Variants in HIVEP2 observed in about 807,000 individuals in gnomAD.
The protein encoded by HIVEP2 is transcription factor HIVEP2.
HIVEP2 carries 14 observed loss-of-function variants against 180.7 expected under a neutral mutation model. The observed-to-expected ratio is 0.08, with a 90% CI of 0.05 to 0.12. The LOEUF is 0.12. Among genes scored for constraint, HIVEP2 ranks in the 10% least tolerant of loss-of-function variants. HIVEP2 has a pLI of 1.00. For missense variants in HIVEP2, 2,579 were observed against 3,008.5 expected (o/e 0.86, Z 3.34); for synonymous variants, 1,184 against 1,136.4 (o/e 1.04, Z -0.84).
At chr6:142,927,841 A>T (rs1777853866) in intron 1 of HIVEP2, among the ~76,000 whole-genome samples, 1 of 152,242 alleles carries the variant, frequency 6.6e-6, no homozygotes, top group Admixed American at 6.5e-5. Flanking sequence ...GCTTACGGTT[A>T]ATAACGATTA....
Position 142,764,989 on chromosome 6 carries a change from G to A in HIVEP2, c.5343-15C>T. On this transcript the variant is annotated splice_polypyrimidine_tract_variant and intron_variant, in intron 6 of 9. Coordinates refer to ENST00000367603, the MANE Select transcript of HIVEP2 (RefSeq NM_006734.4). Reference sequence around the variant, plus strand: ...TCGATTTGTACCTGTTTTAAAAAGAGGGAATCCAGTGTGTTTTCAAATATT... The same window carrying A: ...TCGATTTGTACCTGTTTTAAAAAGAAGGAATCCAGTGTGTTTTCAAATATT... 2 of 1,590,070 alleles carry A rather than the reference G, an allele frequency of 1.3e-6. No homozygotes were observed. Among genetic ancestry groups the A allele is most frequent in the South Asian group, 1.1e-5 (1 of 89,098 alleles).
intron 1 of HIVEP2, among the ~76,000 whole-genome samples, chr6:142,902,823 T>C (rs891688043): frequency 6.6e-6 from 1 of 152,334 alleles, no homozygotes; most frequent in African/African-American, 2.4e-5. Context: ...CCCTTACTGC[T>C]TGTGGACAGG....
chr6:142,860,780 C>G (rs1415293481), intron 1 of HIVEP2, among the ~76,000 whole-genome samples: 2 of 152,204 alleles, frequency 1.3e-5, no homozygotes, highest in Non-Finnish European at 2.9e-5. Context: ...TAACAGCCAA[C>G]AGACCACTAG....
At chr6:142,766,022 G>A (rs1022558547) in intron 6 of HIVEP2, among the ~76,000 whole-genome samples, 1 of 152,066 alleles carries the variant, frequency 6.6e-6, no homozygotes, top group African/African-American at 2.4e-5. Context: ...AATCCACTGT[G>A]GATTTAGTTA....
intron 1 of HIVEP2, among the ~76,000 whole-genome samples, chr6:142,873,115 C>T (rs1438969909): frequency 1.3e-5 from 2 of 152,140 alleles, no homozygotes; most frequent in Non-Finnish European, 2.9e-5. Flanking sequence ...AGCTTTGACC[C>T]CAGCAAGAGC....
At chr6:142,940,662 G>A (rs1328353149) in intron 1 of HIVEP2, among the ~76,000 whole-genome samples, 1 of 151,306 alleles carries the variant, frequency 6.6e-6, no homozygotes, top group Non-Finnish European at 1.5e-5. Flanking sequence ...AGTGGTTCGG[G>A]TCATTATTTA....
intron 2 of HIVEP2, among the ~76,000 whole-genome samples, chr6:142,800,697 G>A (rs180713834): frequency 5.9e-5 from 9 of 152,136 alleles, no homozygotes; most frequent in Admixed American, 1.3e-4. Flanking sequence ...AATTTGAGAG[G>A]CTTAGGAGGA....
chr6:142,782,069 C>T (rs996936020), intron 3 of HIVEP2, among the ~76,000 whole-genome samples: 2 of 152,164 alleles, frequency 1.3e-5, no homozygotes, highest in Non-Finnish European at 2.9e-5. Context: ...GCAGCAAACA[C>T]GGCTTCTCCA....
In HIVEP2 at chr6:142,769,420, T is replaced by A. The variant is rs78034208; in HGVS notation, c.5187+132A>T. On this transcript the variant is annotated intron_variant, in intron 5 of 9. Transcript: ENST00000367603. Reference sequence around the variant, plus strand: ...CTTCCACTCCTGAGTAAGGCCAGACTTTCTGAAAACGCCCCCACACTGACC... The same window carrying A: ...CTTCCACTCCTGAGTAAGGCCAGACATTCTGAAAACGCCCCCACACTGACC... 72 of 761,512 alleles carry A rather than the reference T, an allele frequency of 9.5e-5. No individual in the cohort carries two copies. The East Asian group carries it at 1.9e-3, about 20-fold the overall frequency. The allele number at this position is 761,512 out of a possible 1,614,324, so 47.2% of individuals were successfully genotyped here. A position where few individuals can be genotyped will look rare whatever the true frequency, so the allele number is the denominator to read the frequency against.
At chr6:142,863,025 A>G (rs1421900851) in intron 1 of HIVEP2, among the ~76,000 whole-genome samples, 3 of 142,310 alleles carry the variant, frequency 2.1e-5, no homozygotes, top group African/African-American at 7.7e-5. Flanking sequence ...TACATACAAT[A>G]TGTAATATAT....
intron 1 of HIVEP2, among the ~76,000 whole-genome samples, chr6:142,918,753 A>G (rs186928877): frequency 6.6e-6 from 1 of 152,376 alleles, no homozygotes; most frequent in Admixed American, 6.5e-5. Context: ...AAATGAAGAA[A>G]AGAGCCTTAA....
intron 1 of HIVEP2, among the ~76,000 whole-genome samples, chr6:142,885,504 G>C (rs1052356901): frequency 6.6e-6 from 1 of 152,084 alleles, no homozygotes; most frequent in Non-Finnish European, 1.5e-5. Context: ...ACAACAAGCC[G>C]TGGTTCCCAT....
At chr6:142,880,951 C>T (rs975232551) in intron 1 of HIVEP2, among the ~76,000 whole-genome samples, 2 of 152,156 alleles carry the variant, frequency 1.3e-5, no homozygotes, top group African/African-American at 4.8e-5. Context: ...GCATCTTTAA[C>T]ATCTCTAGTA....
intron 2 of HIVEP2, among the ~76,000 whole-genome samples, chr6:142,818,785 GAAAGAAAA>G (rs1348083610): frequency 1.4e-3 from 185 of 130,380 alleles, no homozygotes; most frequent in Non-Finnish European, 2.3e-3. Flanking sequence ...AAGAAAGAAA[GAAAGAAAA>G]AGAAAAGAAA....
chr6:142,771,905 G>C lies in HIVEP2; in HGVS notation c.2834C>G (p.Ala945Gly), dbSNP rs960198034. 1.2e-6 allele frequency: 2 copies of C among 1,614,202 alleles called. No homozygotes were observed. The highest frequency in any genetic ancestry group is 1.7e-6 in the Non-Finnish European group (2 of 1,180,032). ...LPPKKKRLRL[A>G]DMEHSSGESS... ...CTCCCCTGAGGAGTGCTCCATATCT[G>C]CAAGTCGCAGACGCTTCTTTTTGGG... The change falls in exon 5 of 10, where the codon GCA becomes GGA. Residue 945 changes from alanine to glycine, a missense_variant. Ala to Gly is a moderately conservative substitution (Grantham distance 60). Around this residue, in one of 11 missense-constraint regions of HIVEP2, gnomAD observed 51 missense variants for 102.8 expected, o/e 0.50. Coordinates refer to ENST00000367603, the MANE Select transcript of HIVEP2 (RefSeq NM_006734.4). The surrounding 1 kb of genome is among the most constrained non-coding windows in gnomAD (Gnocchi z 5.4).
Position 142,760,637 on chromosome 6 carries a change from T to C in HIVEP2, c.5651A>G (p.Glu1884Gly), listed in dbSNP as rs1775206842. Residue 1884 changes from glutamate (E) to glycine (G), a missense_variant, in exon 9 of 10, where the codon GAG (glutamate) becomes GGG (glycine). Around this residue, in one of 11 missense-constraint regions of HIVEP2, gnomAD observed 660 missense variants for 731.7 expected, o/e 0.90. Transcript: ENST00000367603. Reference sequence around the variant, plus strand: ...TGAAATGCTGGACATGCTATGCTTCTCTGCTGCTTTGTGCAAATCTTCCAA... The same window carrying C: ...TGAAATGCTGGACATGCTATGCTTCCCTGCTGCTTTGTGCAAATCTTCCAA... Reference protein sequence around the residue: ...ENLEDLHKAAEKHSMSSISTD... With the variant: ...ENLEDLHKAAGKHSMSSISTD... The C allele has an allele frequency of 6.2e-7, 1 of 1,606,850 alleles. No individual in the cohort carries two copies. Among genetic ancestry groups the C allele is most frequent in the South Asian group, 1.1e-5 (1 of 89,698 alleles).
intron 2 of HIVEP2, among the ~76,000 whole-genome samples, chr6:142,818,733 A>G (rs202246449): frequency 0.087 from 3,548 of 40,764 alleles, 187 homozygotes; most frequent in Non-Finnish European, 0.11. Context: ...AGAAAGAAAG[A>G]AAAGAAAGAA....
chr6:142,772,983 G>A lies in HIVEP2; in HGVS notation c.1756C>T (p.Pro586Ser), dbSNP rs746223902. ...VFYPGTVGIP[P>S]QRMLRRQAAF... The stretch of plus-strand genomic sequence containing the variant: ...GCTTGTCTTCTTAGCATGCGCTGAG[G>A]GGGTATGCCCACGGTCCCTGGATAG... The change falls in exon 5 of 10, where the codon CCT becomes TCT. Residue 586 changes from proline (P) to serine (S), a missense_variant. Physicochemically the swap from Pro to Ser is moderately conservative, Grantham distance 74. This residue lies in a region of HIVEP2 where 524 missense variants were observed against 563.6 expected (regional missense o/e 0.93). Transcript: ENST00000367603. This position sits in a 1 kb window ranked among gnomAD's most constrained non-coding sequence, Gnocchi z 4.9. The A allele has an allele frequency of 9.3e-6, 15 of 1,614,146 alleles. No individual in the cohort carries two copies. The highest frequency in any genetic ancestry group is 4.4e-5 in the South Asian group (4 of 91,082).
rs779463336 is a variant in HIVEP2, at chr6:142,773,025, C to T, written c.1714G>A (p.Gly572Ser). ...CCTGGATAGAATACATCGTCGGAAC[C>T]AGTCATCCTTTCATCAAATGAGTGA... is the stretch of plus-strand genomic sequence containing the variant. Reference protein sequence around the residue: ...GSHSFDERMTGSDDVFYPGTV... With the variant: ...GSHSFDERMTSSDDVFYPGTV... The change falls in exon 5 of 10, where the codon GGT becomes AGT. Residue 572 changes from glycine to serine, a missense_variant. Coordinates refer to ENST00000367603, the MANE Select transcript of HIVEP2 (RefSeq NM_006734.4). The T allele has an allele frequency of 5.6e-6, 9 of 1,614,042 alleles. No homozygotes were observed. The highest frequency in any genetic ancestry group is 5.3e-5 in the African/African-American group (4 of 74,924).
Sources: gnomAD v4.1 joint callset for allele counts (sites outside exome capture counted in the v4.1 genomes callset) on GRCh38, gnomAD v4.1.1 for gene constraint, gnomAD v4.1.1 regional missense constraint, Gnocchi (gnomAD v3.1) non-coding constraint, MANE v1.5 for transcripts, NCBI Gene and HGNC (gene_info 2026-07-23, HGNC 2026-07-21) for gene names.